The following DTNA variants were observed in gnomAD, a reference collection of about 807,000 sequenced individuals.
The protein encoded by DTNA is dystrobrevin alpha, also known as dystrophin-related protein 3.
A neutral mutation model predicts 100.7 loss-of-function variants in DTNA; 43 were observed. The observed-to-expected ratio is 0.43, with a 90% CI of 0.33 to 0.55. The LOEUF is 0.55. DTNA is among the 20% of genes least tolerant of loss of function. DTNA has a pLI of 0.04. For missense variants in DTNA, 798 were observed against 953.9 expected, an observed-to-expected ratio of 0.84 and a Z score of 2.15; for synonymous variants, 349 against 347.9, an observed-to-expected ratio of 1.00 and a Z score of -0.04.
In DTNA at chr18:34,887,783, A is replaced by T. The variant is rs553859567; in HGVS notation, c.*49A>T. 4.1e-6 allele frequency: 4 copies of T among 985,740 alleles called. No individual in the cohort carries two copies. The East Asian group carries it at 4.5e-4, about 112-fold the overall frequency. The allele number at this position is 985,740 out of a possible 1,614,324, so 61.1% of individuals were successfully genotyped here. The stretch of plus-strand genomic sequence containing the variant: ...ATTCCCAGGCAAGCTATAGTCAGAC[A>T]GATGATGAAAGTAACATGAAAACTG... On this transcript the variant is annotated 3_prime_UTR_variant, in exon 23 of 23. Coordinates refer to ENST00000444659, the MANE Select transcript of DTNA (RefSeq NM_001386795.1).
At chr18:34,715,851 A>T (rs949386911) in intron 1 of DTNA, among the ~76,000 whole-genome samples, 5 of 152,220 alleles carry the variant, frequency 3.3e-5, no homozygotes, top group Non-Finnish European at 2.9e-5. Context: ...AGGTCTCATA[A>T]ATCTGTAAGA....
intron 22 of DTNA, among the ~76,000 whole-genome samples, chr18:34,885,937 A>G (rs2096917656): frequency 6.6e-6 from 1 of 152,180 alleles, no homozygotes; most frequent in Non-Finnish European, 1.5e-5. Flanking sequence ...ACTGTTCCGT[A>G]AGTCTAGATT....
chr18:34,648,661 T>C (rs979897646), intron 1 of DTNA, among the ~76,000 whole-genome samples: 1 of 152,236 alleles, frequency 6.6e-6, no homozygotes, highest in African/African-American at 2.4e-5. Flanking sequence ...CAGATTCTTT[T>C]AGAAGCTTTG....
intron 4 of DTNA, among the ~76,000 whole-genome samples, chr18:34,804,827 G>C (rs2095318683): frequency 6.6e-6 from 1 of 152,160 alleles, no homozygotes; most frequent in African/African-American, 2.4e-5. Context: ...CACTAGCATA[G>C]GGTTCAGTCA....
At chr18:34,712,863 A>C (rs1442976500) in intron 1 of DTNA, among the ~76,000 whole-genome samples, 3 of 152,132 alleles carry the variant, frequency 2.0e-5, no homozygotes, top group African/African-American at 7.2e-5. Context: ...ACAGTTTTTT[A>C]ACATGTTAAA....
At position 34,647,863 on chromosome 18, in the gene DTNA, C is replaced by T. The variant is rs143263894; in HGVS notation, c.-1-108113C>T. Among the ~76,000 whole-genome samples, 334 of 152,242 alleles carry T rather than the reference C, an allele frequency of 2.2e-3. 1 individual carries two copies. The highest frequency in any genetic ancestry group is 7.4e-3 in the African/African-American group (308 of 41,528). ...AACAGTGCTTAGTGCACAGTAGGTG[C>T]TCAGCAATAGTTGTTGAATTAATGC... On this transcript the variant is annotated intron_variant, in intron 1 of 19. Coordinates refer to the DTNA transcript ENST00000283365.
intron 1 of DTNA, among the ~76,000 whole-genome samples, chr18:34,742,935 G>A (rs2090968208): frequency 6.6e-6 from 1 of 152,026 alleles, no homozygotes; most frequent in Non-Finnish European, 1.5e-5. Context: ...CAATGCAGGA[G>A]GCCTGGAAGA....
intron 1 of DTNA, among the ~76,000 whole-genome samples, chr18:34,632,291 A>C (rs930628918): frequency 2.0e-5 from 3 of 152,150 alleles, no homozygotes; most frequent in Non-Finnish European, 4.4e-5. Context: ...TCACCAGTAC[A>C]TGAAGCTTAT....
At chr18:34,546,008 C>T (rs16965424) in intron 1 of DTNA, among the ~76,000 whole-genome samples, 6,744 of 152,034 alleles carry the variant, frequency 0.044, 397 homozygotes, top group African/African-American at 0.14. Context: ...ATGGGAGGCT[C>T]GGCTCTGTAG....
At chr18:34,602,950 C>G (rs1373366628) in intron 1 of DTNA, among the ~76,000 whole-genome samples, 16 of 151,668 alleles carry the variant, frequency 1.1e-4, no homozygotes, top group Non-Finnish European at 1.5e-5. Flanking sequence ...TTGCAGTGAA[C>G]CGAGATCACG....
chr18:34,587,072 T>A (rs555262507), intron 1 of DTNA, among the ~76,000 whole-genome samples: 1 of 152,010 alleles, frequency 6.6e-6, no homozygotes, highest in Admixed American at 6.6e-5. Flanking sequence ...AAGCAATCCT[T>A]CCATCTCAGC....
chr18:34,721,960 A>G (rs2085430133), intron 1 of DTNA, among the ~76,000 whole-genome samples: 1 of 152,202 alleles, frequency 6.6e-6, no homozygotes, highest in Non-Finnish European at 1.5e-5. Context: ...GATTGTCAGT[A>G]TTAGGGTTTT....
chr18:34,650,219 A>G (rs2060286418), intron 1 of DTNA, among the ~76,000 whole-genome samples: 1 of 152,146 alleles, frequency 6.6e-6, no homozygotes, highest in African/African-American at 2.4e-5. Context: ...CTGAAAGCCA[A>G]GTGTTTGAAG....
At position 34,765,989 on chromosome 18, in the gene DTNA, C is replaced by G. The variant is rs1162412939; in HGVS notation, c.96C>G (p.Leu32=). 4 of 1,613,712 alleles carry G rather than the reference C, an allele frequency of 2.5e-6. No homozygotes were observed. The African/African-American group carries it at 5.3e-5, about 22-fold the overall frequency. Residue 32 remains leucine, a synonymous_variant, in exon 3 of 23, where the codon CTC becomes CTG. Coordinates refer to ENST00000444659, the MANE Select transcript of DTNA (RefSeq NM_001386795.1). The part of the protein sequence containing the change: ...MRAQDLDRIR[L]STYRTACKLR... ...CTCAAGATCTGGATCGCATCCGACTCTCCACCTACAGAACAGCATGCAAGC... is the reference window on the plus strand; with the variant it reads ...CTCAAGATCTGGATCGCATCCGACTGTCCACCTACAGAACAGCATGCAAGC...
At chr18:34,669,388 A>T (rs1167491530) in intron 1 of DTNA, among the ~76,000 whole-genome samples, 1 of 152,110 alleles carries the variant, frequency 6.6e-6, no homozygotes, top group Non-Finnish European at 1.5e-5. Flanking sequence ...CCAATTTGCC[A>T]GTCTGTGTCT....
At chr18:34,511,689 A>G (rs913218406) in intron 1 of DTNA, among the ~76,000 whole-genome samples, 15 of 152,070 alleles carry the variant, frequency 9.9e-5, no homozygotes, top group African/African-American at 3.6e-4. Context: ...TGGTTTGTCT[A>G]ACTTAACCTC....
At chr18:34,498,858 A>C (rs1472948544) in intron 1 of DTNA, among the ~76,000 whole-genome samples, 1 of 152,214 alleles carries the variant, frequency 6.6e-6, no homozygotes, top group African/African-American at 2.4e-5. Flanking sequence ...TTTATTTTGC[A>C]TTGCCAAACA....
At chr18:34,781,289 A>G (rs752780364) in intron 3 of DTNA, among the ~76,000 whole-genome samples, 10 of 152,238 alleles carry the variant, frequency 6.6e-5, no homozygotes, top group Non-Finnish European at 1.5e-4. Flanking sequence ...ATTAATATGT[A>G]TGGAGTACAA....
At chr18:34,569,315 G>A (rs1270428256) in intron 1 of DTNA, among the ~76,000 whole-genome samples, 1 of 152,212 alleles carries the variant, frequency 6.6e-6, no homozygotes, top group Non-Finnish European at 1.5e-5. Flanking sequence ...GTCTGAGAAG[G>A]ACCTGAAGCA....
Sources: gnomAD v4.1 joint callset for allele counts (sites outside exome capture counted in the v4.1 genomes callset) on GRCh38, gnomAD v4.1.1 for gene constraint, MANE v1.5 for transcripts, NCBI Gene and HGNC (gene_info 2026-07-23, HGNC 2026-07-21) for gene names.